The following ESYT2 variants were observed in gnomAD, a reference collection of about 807,000 sequenced individuals.
ESYT2 encodes the protein extended synaptotagmin 2, also known as extended synaptotagmin-2.
A neutral mutation model predicts 107.2 loss-of-function variants in ESYT2; 54 were observed. The ratio of observed to expected loss-of-function variants is 0.50; its 90% CI spans 0.40 to 0.63. ESYT2 has a LOEUF of 0.63. Among genes scored for constraint, ESYT2 ranks in the 30% least tolerant of loss-of-function variants. The pLI is 0.00. For synonymous variants in ESYT2, 491 were observed against 434.1 expected (o/e 1.13, Z -1.63); for missense variants, 1,020 against 1,094.5 (o/e 0.93, Z 0.96).
At chr7:158,820,327 A>G (rs1022465091) in intron 1 of ESYT2, among the ~76,000 whole-genome samples, 2 of 152,252 alleles carry the variant, frequency 1.3e-5, no homozygotes, top group African/African-American at 4.8e-5. Context: ...AATATAATAT[A>G]TTCTTGAAAA....
In ESYT2 at chr7:158,822,942, G is replaced by T. The variant is rs371610489; in HGVS notation, c.330+6147C>A. 2.0e-5 allele frequency among the ~76,000 whole-genome samples: 3 copies of T among 152,098 alleles called. No individual in the cohort carries two copies. In the South Asian group the frequency reaches 6.2e-4, roughly 32 times the overall value. The stretch of plus-strand genomic sequence containing the variant: ...CTTTTACAGTTTTAGCTAGAATTCC[G>T]TAAGCAAAGGTGTACCTCACTTTGC... On this transcript the variant is annotated intron_variant, in intron 1 of 22. Coordinates refer to ENST00000275418, the MANE Select transcript of ESYT2 (RefSeq NM_001367773.1).
chr7:158,789,077 C>T (rs1414664144), intron 4 of ESYT2, among the ~76,000 whole-genome samples: 1 of 152,150 alleles, frequency 6.6e-6, no homozygotes, highest in Non-Finnish European at 1.5e-5. Context: ...CTGAACCCAA[C>T]CCTTGGCTCT....
chr7:158,746,345 A>T (rs988905614), intron 16 of ESYT2, among the ~76,000 whole-genome samples: 1 of 151,898 alleles, frequency 6.6e-6, no homozygotes, highest in African/African-American at 2.4e-5. Flanking sequence ...ATACACACAT[A>T]CCCAAAACAC....
At chr7:158,785,040 G>C (rs754718211) in intron 6 of ESYT2, among the ~76,000 whole-genome samples, 4 of 152,200 alleles carry the variant, frequency 2.6e-5, no homozygotes, top group Non-Finnish European at 5.9e-5. Context: ...TACCAAGTGA[G>C]AAGGATTCCC....
At chr7:158,734,313 C>G in intron 22 of ESYT2, 61 bp from the exon 23 acceptor site, 1 of 1,613,126 alleles carries the variant, frequency 6.2e-7, no homozygotes, top group Non-Finnish European at 8.5e-7. Context: ...AAAAGCCTAT[C>G]AGATACGTGT....
In ESYT2 at chr7:158,733,344, G is replaced by A. The variant is rs1836808631; in HGVS notation, c.*863C>T. The A allele has an allele frequency of 6.6e-6, 1 of 152,186 alleles. No individual in the cohort carries two copies. Among genetic ancestry groups the A allele is most frequent in the African/African-American group, 2.4e-5 (1 of 41,450 alleles). 9.4% of individuals were successfully genotyped at this position (152,186 alleles called of 1,614,324 possible). ...TAACAAAGCTCATGACTGATTGTTT[G>A]ACAACAGCTTAATTGCTAACATTGA... is the stretch of plus-strand genomic sequence containing the variant. On this transcript the variant is annotated 3_prime_UTR_variant, in exon 23 of 23. Transcript: ENST00000275418.
chr7:158,824,830 A>G (rs1186029411), intron 1 of ESYT2, among the ~76,000 whole-genome samples: 3 of 152,214 alleles, frequency 2.0e-5, no homozygotes. Context: ...AATTGCCCTT[A>G]TTAATCTCTA....
intron 19 of ESYT2, among the ~76,000 whole-genome samples, chr7:158,738,332 C>A (rs1392086650): frequency 0.07 from 3,911 of 55,504 alleles, 192 homozygotes; most frequent in East Asian, 0.41. Flanking sequence ...AAAAAATACA[C>A]ACACACACAC....
chr7:158,766,957 C>T (rs1292198697), intron 8 of ESYT2, among the ~76,000 whole-genome samples: 2 of 152,194 alleles, frequency 1.3e-5, no homozygotes, highest in Non-Finnish European at 2.9e-5. Flanking sequence ...ATGTTCTTGA[C>T]TACTTTGCAG....
chr7:158,784,074 T>C (rs1584847503), intron 6 of ESYT2, among the ~76,000 whole-genome samples: 1 of 151,456 alleles, frequency 6.6e-6, no homozygotes, highest in African/African-American at 2.4e-5. Context: ...AGGAGGAGGG[T>C]CTCTGGGAGA....
chr7:158,751,806 G>A (rs1028716754), intron 14 of ESYT2, among the ~76,000 whole-genome samples: 2 of 152,130 alleles, frequency 1.3e-5, no homozygotes, highest in Non-Finnish European at 2.9e-5. Flanking sequence ...CTGATTTCAG[G>A]GCCTTCAGCC....
intron 7 of ESYT2, among the ~76,000 whole-genome samples, chr7:158,769,441 C>T (rs1173671225): frequency 1.3e-5 from 2 of 152,202 alleles, no homozygotes; most frequent in Non-Finnish European, 2.9e-5. Context: ...CACTGCGCCT[C>T]CTCACCCCAC....
At position 158,735,590 on chromosome 7, in the gene ESYT2, C is replaced by T. The variant is rs1289163953; in HGVS notation, c.2418G>A (p.Ser806=). The T allele has an allele frequency of 5.0e-6, 8 of 1,613,700 alleles. No homozygotes were observed. The African/African-American group carries it at 5.3e-5, about 11-fold the overall frequency. ...GCGTTCTCCTCTGCACTTCTGGTAA[C>T]GAAACACTGAAATCAAAGCTGAAAT... is the stretch of plus-strand genomic sequence containing the variant. ...VFDQSFDFSV[S]LPEVQRRTLD... Residue 806 remains serine (S), a synonymous_variant, in exon 21 of 23, where the codon TCG becomes TCA. Transcript: ENST00000275418.
chr7:158,739,797 C>CG (rs1554579967), intron 18 of ESYT2, among the ~76,000 whole-genome samples: 34 of 140,704 alleles, frequency 2.4e-4, no homozygotes, highest in Middle Eastern at 7.0e-3. Flanking sequence ...TTTATACCCC[C>CG]CCCTTCGCAG....
chr7:158,744,850 T>C (rs1837343861), intron 16 of ESYT2, among the ~76,000 whole-genome samples: 1 of 152,246 alleles, frequency 6.6e-6, no homozygotes, highest in African/African-American at 2.4e-5. Flanking sequence ...GATTGCATAT[T>C]TCTTTTCAAA....
At chr7:158,747,731 A>G (rs188782921) in intron 16 of ESYT2, among the ~76,000 whole-genome samples, 23 of 152,352 alleles carry the variant, frequency 1.5e-4, no homozygotes, top group Admixed American at 1.3e-3. Context: ...ATGTACACAC[A>G]GTCTTGTATG....
At chr7:158,802,339 T>A (rs1022866738) in intron 1 of ESYT2, among the ~76,000 whole-genome samples, 3 of 151,902 alleles carry the variant, frequency 2.0e-5, no homozygotes, top group Non-Finnish European at 2.9e-5. Context: ...CAGGCTGGAG[T>A]GCAGTGGCAC....
intron 20 of ESYT2, 117 bp from the exon 21 acceptor site, chr7:158,735,725 A>G: frequency 1.1e-6 from 1 of 897,226 alleles, no homozygotes; most frequent in Non-Finnish European, 1.7e-6. Flanking sequence ...TTTTTATTAT[A>G]AAACTGAGTT....
intron 6 of ESYT2, among the ~76,000 whole-genome samples, chr7:158,781,296 GGTGT>G (rs895695754): frequency 2.1e-5 from 1 of 47,728 alleles, no homozygotes; most frequent in African/African-American, 5.0e-5. Flanking sequence ...AACAGTGTGC[GGTGT>G]GTGAGAACAA....
Sources: allele counts gnomAD v4.1 joint callset (sites outside exome capture counted in the v4.1 genomes callset), GRCh38; gene constraint gnomAD v4.1.1; transcripts MANE v1.5; gene names NCBI Gene and HGNC (gene_info 2026-07-23, HGNC 2026-07-21).